The following ANK3 variants were observed in gnomAD, a reference collection of about 807,000 sequenced individuals.
ANK3 encodes ankyrin 3, also known as ankyrin-3.
In ANK3, 57 loss-of-function variants were observed where a neutral mutation model predicts 370.9. That is an observed-to-expected ratio of 0.15 (90% CI 0.12 to 0.19). ANK3 has a LOEUF of 0.19. Ranked by LOEUF, ANK3 falls within the 10% of genes least tolerant of loss-of-function variation. ANK3 has a pLI of 1.00. For missense variants in ANK3, 4,439 were observed against 5,302.1 expected (o/e 0.84, Z 5.06); for synonymous variants, 1,929 against 1,946.3 (o/e 0.99, Z 0.23).
At chr10:60,580,096 C>T (rs1262141426) in intron 2 of ANK3, among the ~76,000 whole-genome samples, 1 of 152,168 alleles carries the variant, frequency 6.6e-6, no homozygotes, top group Non-Finnish European at 1.5e-5. Flanking sequence ...ATTTGCATTT[C>T]TTTGGCTGGT....
intron 1 of ANK3, among the ~76,000 whole-genome samples, chr10:60,703,989 A>G (rs2079579129): frequency 6.6e-6 from 1 of 152,214 alleles, no homozygotes; most frequent in South Asian, 2.1e-4. Flanking sequence ...GGGCCAGGTC[A>G]TAAGAAGCCC....
At chr10:60,603,116 C>T (rs888562715) in intron 2 of ANK3, among the ~76,000 whole-genome samples, 1 of 152,124 alleles carries the variant, frequency 6.6e-6, no homozygotes, top group Non-Finnish European at 1.5e-5. Context: ...TCAGCATTCC[C>T]AATTCATGTT....
rs577540790 is a variant in ANK3, at chr10:60,518,629, G to A, written c.96+96557C>T. Among the ~76,000 whole-genome samples the A allele has an allele frequency of 3.3e-5, 5 of 152,232 alleles. No homozygotes were observed. The South Asian group carries it at 1.0e-3, about 32-fold the overall frequency. On this transcript the variant is annotated intron_variant, in intron 2 of 43. Coordinates refer to the ANK3 transcript ENST00000373827. ...CGTAGCTGACTACTAGACACCGATG[G>A]TGATTCTTTATCACTTTCCCCTCCC...
At chr10:60,045,075 T>C (rs2076722819) in intron 42 of ANK3, among the ~76,000 whole-genome samples, 1 of 152,160 alleles carries the variant, frequency 6.6e-6, no homozygotes, top group South Asian at 2.1e-4. Context: ...CACAAAGTTG[T>C]TTCGTAATAA....
chr10:60,134,768 A>G (rs1490593894), intron 24 of ANK3, among the ~76,000 whole-genome samples: 1 of 152,196 alleles, frequency 6.6e-6, no homozygotes, highest in Non-Finnish European at 1.5e-5. Flanking sequence ...GCTACTGATA[A>G]GAATTATGTC....
intron 2 of ANK3, among the ~76,000 whole-genome samples, chr10:60,559,122 T>C (rs2077276246): frequency 2.6e-5 from 4 of 152,168 alleles, no homozygotes; most frequent in Admixed American, 6.5e-5. Flanking sequence ...TGCCTTCTTT[T>C]TAAAAAAAAT....
chr10:60,033,373 G>A (rs2074137043), intron 43 of ANK3, among the ~76,000 whole-genome samples: 1 of 151,864 alleles, frequency 6.6e-6, no homozygotes, highest in African/African-American at 2.4e-5. Flanking sequence ...AAATTGGCCG[G>A]GTGAGGTGGC....
rs549463670 is a variant in ANK3 at position 60,068,730 on chromosome 10, T to C, written c.12151A>G (p.Thr4051Ala). The stretch of plus-strand genomic sequence containing the variant: ...GTTTTCTTATCTCTAGCAGACTTCG[T>C]TGTAACCGAAGGCTGGCCACCCCGG... ...TSRGGQPSVT[T>A]KSARDKKTEA... The change falls in exon 37 of 44, where the codon ACG (threonine) becomes GCG (alanine). Residue 4051 changes from threonine (T) to alanine (A), a missense_variant. Thr to Ala is a moderately conservative substitution (Grantham distance 58). Around this residue, in one of 13 missense-constraint regions of ANK3, gnomAD observed 496 missense variants for 529.3 expected, o/e 0.94. Coordinates refer to ENST00000280772, the MANE Select transcript of ANK3 (RefSeq NM_020987.5). 2.7e-5 allele frequency: 43 copies of C among 1,614,184 alleles called. No homozygotes were observed. The South Asian group carries it at 4.5e-4, about 17-fold the overall frequency.
chr10:60,386,538 CT>C (rs921113546), intron 1 of ANK3, among the ~76,000 whole-genome samples: 359 of 140,928 alleles, frequency 2.5e-3, no homozygotes, highest in Middle Eastern at 3.7e-3. Flanking sequence ...TTCTGTACTG[CT>C]TTTTTTTTTT....
intron 7 of ANK3, among the ~76,000 whole-genome samples, chr10:60,240,872 T>C (rs2097445151): frequency 6.6e-6 from 1 of 152,252 alleles, no homozygotes; most frequent in Non-Finnish European, 1.5e-5. Flanking sequence ...ATTATAGGCA[T>C]GAGCCACCAT....
At chr10:60,528,134 C>CT (rs35837089) in intron 2 of ANK3, among the ~76,000 whole-genome samples, 12,415 of 123,658 alleles carry the variant, frequency 0.1, 865 homozygotes, top group East Asian at 0.16. Context: ...TTTTCTTCTT[C>CT]TTCTTTTTTT....
chr10:60,311,015 G>A (rs2046225635), intron 1 of ANK3, among the ~76,000 whole-genome samples: 1 of 152,136 alleles, frequency 6.6e-6, no homozygotes, highest in South Asian at 2.1e-4. Flanking sequence ...AGGATGAAGG[G>A]GGATTGGGGA....
intron 2 of ANK3, among the ~76,000 whole-genome samples, chr10:60,509,021 T>C (rs2076010989): frequency 1.3e-5 from 2 of 152,096 alleles, no homozygotes; most frequent in Admixed American, 1.3e-4. Context: ...CAGGACTAAA[T>C]GGTGCTAGTT....
intron 28 of ANK3, among the ~76,000 whole-genome samples, chr10:60,096,206 A>G (rs1412878411): frequency 2.0e-5 from 3 of 152,140 alleles, no homozygotes; most frequent in Non-Finnish European, 4.4e-5. Flanking sequence ...AAAATAAGAT[A>G]AAAGTATATC....
intron 8 of ANK3, among the ~76,000 whole-genome samples, chr10:60,220,775 G>A (rs2097036222): frequency 6.6e-6 from 1 of 152,084 alleles, no homozygotes; most frequent in South Asian, 2.1e-4. Flanking sequence ...TTGGGCACAG[G>A]TTCTCAGGAT....
At chr10:60,428,221 A>T (rs2063933077) in intron 2 of ANK3, among the ~76,000 whole-genome samples, 1 of 152,200 alleles carries the variant, frequency 6.6e-6, no homozygotes, top group Non-Finnish European at 1.5e-5. Context: ...ACATCAAAAC[A>T]TGAAGTTCAA....
intron 1 of ANK3, among the ~76,000 whole-genome samples, chr10:60,694,553 C>A (rs1361192053): frequency 3.3e-5 from 5 of 152,088 alleles, no homozygotes; most frequent in Non-Finnish European, 7.3e-5. Flanking sequence ...GATCTCTCAG[C>A]AGAAACTCTA....
At chr10:60,513,790 A>G (rs1356649528) in intron 2 of ANK3, among the ~76,000 whole-genome samples, 2 of 152,184 alleles carry the variant, frequency 1.3e-5, no homozygotes, top group East Asian at 3.9e-4. Context: ...TCGGGTAGTC[A>G]TAAGAAACAA....
At chr10:60,698,116 G>T (rs1352028332) in intron 1 of ANK3, among the ~76,000 whole-genome samples, 1 of 151,946 alleles carries the variant, frequency 6.6e-6, no homozygotes, top group Non-Finnish European at 1.5e-5. Flanking sequence ...CTTCTCAAAA[G>T]AAGACATTTA....
Sources: gnomAD v4.1 joint callset for allele counts (sites outside exome capture counted in the v4.1 genomes callset) on GRCh38, gnomAD v4.1.1 for gene constraint, gnomAD v4.1.1 regional missense constraint, MANE v1.5 for transcripts, NCBI Gene and HGNC (gene_info 2026-07-23, HGNC 2026-07-21) for gene names.